The following UBXN6 variants were observed in gnomAD, a reference collection of about 807,000 sequenced individuals.
UBXN6 encodes the protein UBX domain protein 6, also known as UBX domain-containing protein 6.
In UBXN6, 44 loss-of-function variants were observed where a neutral mutation model predicts 51.4. The observed-to-expected ratio is 0.86, with a 90% confidence interval of 0.67 to 1.10. The LOEUF is 1.10. UBXN6 is among the 50% of genes least tolerant of loss of function. The pLI, the probability that UBXN6 is intolerant of heterozygous loss-of-function variation, is 0.00. For missense variants in UBXN6, 672 were observed against 596.1 expected (o/e 1.13, Z -1.32); for synonymous variants, 316 against 263.2 (o/e 1.20, Z -1.94).
chr19:4,457,419 T>G (rs1211585918), intron 1 of UBXN6, among the ~76,000 whole-genome samples, 196 bp downstream of exon 1: 59 of 100,438 alleles, frequency 5.9e-4, no homozygotes, highest in African/African-American at 2.2e-3. Flanking sequence ...CGCCCCCAGA[T>G]CTCTCTCCCC....
At chr19:4,457,384 G>C in intron 1 of UBXN6, among the ~76,000 whole-genome samples, 1 of 90,436 alleles carries the variant, frequency 1.1e-5, no homozygotes, top group Non-Finnish European at 2.2e-5. Context: ...CCGCGCCCCC[G>C]GGTCATACCC....
chr19:4,457,563 C>T, intron 1 of UBXN6, 52 bp downstream of exon 1: 1 of 1,522,534 alleles, frequency 6.6e-7, no homozygotes, highest in Non-Finnish European at 8.9e-7. Context: ...AGATCTCTCT[C>T]CCCGGCCGTC....
rs1974509871 is a variant in UBXN6, at chr19:4,446,138, G to C, written c.1111C>G (p.Gln371Glu). The change falls in exon 10 of 11, where the codon CAG (glutamine) becomes GAG (glutamate). Residue 371 changes from glutamine (Q) to glutamate (E), a missense_variant. Coordinates refer to ENST00000301281, the MANE Select transcript of UBXN6 (RefSeq NM_025241.3). ...AGCTCAAAAGGCAGCCAGTCGCTCT[G>C]CAGGGCCTCCCGGACGAACCCGTAC... ...AVYGFVREAL[Q>E]SDWLPFELLA... 6.2e-7 allele frequency: 1 copy of C among 1,611,990 alleles called. No homozygotes were observed. Among genetic ancestry groups the C allele is most frequent in the Non-Finnish European group, 8.5e-7 (1 of 1,179,884 alleles).
chr19:4,445,655 C>G lies in UBXN6; in HGVS notation c.1201-32G>C, dbSNP rs773811236. The G allele has an allele frequency of 3.8e-6, 6 of 1,597,528 alleles. No homozygotes were observed. In the African/African-American group the frequency reaches 8.0e-5, roughly 21 times the overall value. ...TAGGGGTAGGCCGTCACTCTGAGAC[C>G]GAGAGTCGGCCCTTGCCGCGGCAGG... On this transcript the variant is annotated intron_variant, in intron 10 of 10. Transcript: ENST00000301281.
intron 1 of UBXN6, chr19:4,455,076 T>C (rs575908506): frequency 2.9e-6 from 1 of 342,062 alleles, no homozygotes; most frequent in East Asian, 1.7e-4. Context: ...GGCTCCACCC[T>C]GTTGAGCCCT....
At chr19:4,450,270 C>A (rs1162716507) in intron 4 of UBXN6, 2 of 150,014 alleles carry the variant, frequency 1.3e-5, no homozygotes, top group Admixed American at 6.6e-5. Flanking sequence ...AGAATTCTCT[C>A]AGCATGGAAA....
At chr19:4,454,138 C>G (rs768817535) in intron 1 of UBXN6, 45 bp from the exon 2 acceptor site, 1 of 1,483,200 alleles carries the variant, frequency 6.7e-7, no homozygotes, top group East Asian at 2.4e-5. Flanking sequence ...CCCGAGGTGG[C>G]CGGCAAAGCT....
chr19:4,447,182 G>A (rs1033761898), intron 6 of UBXN6: 7 of 588,804 alleles, frequency 1.2e-5, no homozygotes, highest in Non-Finnish European at 1.5e-5. Flanking sequence ...CACTGCTGGG[G>A]CCTGATGCGA....
intron 3 of UBXN6, 68 bp from the exon 4 acceptor site, chr19:4,452,560 C>A: frequency 6.5e-7 from 1 of 1,542,568 alleles, no homozygotes; most frequent in East Asian, 2.3e-5. Context: ...CCGAGCACCA[C>A]AGTCCTGAGT....
Position 4,446,132 on chromosome 19 carries a change from C to T in UBXN6, c.1117G>A (p.Asp373Asn), listed in dbSNP as rs754611823. 7 of 1,612,230 alleles carry T rather than the reference C, an allele frequency of 4.3e-6. No individual in the cohort carries two copies. Among genetic ancestry groups the T allele is most frequent in the Admixed American group, 3.3e-5 (2 of 59,980 alleles). Residue 373 changes from aspartate to asparagine, a missense_variant, in exon 10 of 11, where the codon GAC (aspartate) becomes AAC (asparagine). Transcript: ENST00000301281. ...YGFVREALQS[D>N]WLPFELLASG... ...GCCAGCAGCTCAAAAGGCAGCCAGTCGCTCTGCAGGGCCTCCCGGACGAAC... is the reference window on the plus strand; with the variant it reads ...GCCAGCAGCTCAAAAGGCAGCCAGTTGCTCTGCAGGGCCTCCCGGACGAAC...
At chr19:4,451,848 C>T (rs772295747) in intron 4 of UBXN6, among the ~76,000 whole-genome samples, 2 of 151,540 alleles carry the variant, frequency 1.3e-5, no homozygotes, top group Non-Finnish European at 2.9e-5. Flanking sequence ...TAATACTTAA[C>T]CTTTTATGAA....
chr19:4,453,992 C>A lies in UBXN6; in HGVS notation c.185G>T (p.Arg62Leu), dbSNP rs746957370. Residue 62 changes from arginine to leucine, a missense_variant, in exon 2 of 11, where the codon CGG (arginine) becomes CTG (leucine). Arg to Leu is a moderately radical substitution (Grantham distance 102). Coordinates refer to ENST00000301281, the MANE Select transcript of UBXN6 (RefSeq NM_025241.3). ...AQMAAAAALA[R>L]LEQKQSRAWG... ...GGCCCGGGACTGCTTCTGCTCCAGCCGGGCTAGGGCGGCAGCGGCTGCCAT... is the reference window on the plus strand; with the variant it reads ...GGCCCGGGACTGCTTCTGCTCCAGCAGGGCTAGGGCGGCAGCGGCTGCCAT... 1.1e-5 allele frequency: 18 copies of A among 1,610,128 alleles called. No individual in the cohort carries two copies. The highest frequency in any genetic ancestry group is 1.1e-5 in the Non-Finnish European group (13 of 1,179,478).
Position 4,457,768 on chromosome 19 carries a change from G to A in UBXN6, c.-71C>T. The A allele has an allele frequency of 1.4e-6, 1 of 709,956 alleles. No homozygotes were observed. Among genetic ancestry groups the A allele is most frequent in the Non-Finnish European group, 2.0e-6 (1 of 510,512 alleles). 44.0% of individuals were successfully genotyped at this position (709,956 alleles called of 1,614,324 possible). On this transcript the variant is annotated 5_prime_UTR_variant, in exon 1 of 11. Coordinates refer to ENST00000301281, the MANE Select transcript of UBXN6 (RefSeq NM_025241.3). The stretch of plus-strand genomic sequence containing the variant: ...ACGGGGCCCAGTCGGGGACGGGGCC[G>A]CCGGAGACCAGCCACCGGAAGAAAA...
chr19:4,446,069 C>G lies in UBXN6; in HGVS notation c.1180G>C (p.Ala394Pro). Residue 394 changes from alanine (A) to proline (P), a missense_variant, in exon 10 of 11, where the codon GCC (alanine) becomes CCC (proline). Coordinates refer to ENST00000301281, the MANE Select transcript of UBXN6 (RefSeq NM_025241.3). ...GQKLSEDENL[A>P]LNECGLVPSA... ...CTCACCAGCCCGCACTCGTTCAAGG[C>G]CAGGTTCTCGTCCTCGGACAGCTTC... The G allele has an allele frequency of 6.2e-6, 10 of 1,612,320 alleles. No homozygotes were observed. Among genetic ancestry groups the G allele is most frequent in the Non-Finnish European group, 8.5e-6 (10 of 1,179,646 alleles).
intron 5 of UBXN6, chr19:4,448,017 G>C (rs545531999): frequency 1.9e-6 from 1 of 525,892 alleles, no homozygotes; most frequent in Non-Finnish European, 3.4e-6. Context: ...GCCTGCCCCC[G>C]ATCCTGAGAC....
At position 4,453,976 on chromosome 19, in the gene UBXN6, C is replaced by T; in HGVS notation, c.201G>A (p.Gln67=). ...AAALARLEQK[Q]SRAWGPTSQD... ...GCGATGTGGGGCCCCAGGCCCGGGA[C>T]TGCTTCTGCTCCAGCCGGGCTAGGG... is the stretch of plus-strand genomic sequence containing the variant. The change falls in exon 2 of 11, where the codon CAG becomes CAA. Residue 67 remains glutamine (Q), a synonymous_variant. Coordinates refer to ENST00000301281, the MANE Select transcript of UBXN6 (RefSeq NM_025241.3). 1 of 1,611,418 alleles carries T rather than the reference C, an allele frequency of 6.2e-7. No homozygotes were observed. Among genetic ancestry groups the T allele is most frequent in the South Asian group, 1.1e-5 (1 of 91,062 alleles).
At chr19:4,456,377 C>G (rs1489704253) in intron 1 of UBXN6, among the ~76,000 whole-genome samples, 2 of 151,440 alleles carry the variant, frequency 1.3e-5, no homozygotes, top group Admixed American at 6.6e-5. Context: ...CACCCCACTG[C>G]CCCGTGATTC....
intron 1 of UBXN6, among the ~76,000 whole-genome samples, chr19:4,456,751 C>T (rs1974744819): frequency 6.6e-6 from 1 of 152,162 alleles, no homozygotes; most frequent in Non-Finnish European, 1.5e-5. Context: ...CCACTTGGCA[C>T]AGTGACGTGG....
At chr19:4,446,255 G>A (rs776651024) in intron 9 of UBXN6, 28 bp downstream of exon 9, 22 of 1,568,454 alleles carry the variant, frequency 1.4e-5, no homozygotes, top group African/African-American at 4.0e-5. Context: ...AACCCGAGCC[G>A]CCCTCCACGG....
Sources: gnomAD v4.1 joint callset for allele counts (sites outside exome capture counted in the v4.1 genomes callset) on GRCh38, gnomAD v4.1.1 for gene constraint, MANE v1.5 for transcripts, NCBI Gene and HGNC (gene_info 2026-07-23, HGNC 2026-07-21) for gene names.